The following DBT variants were observed in gnomAD, a reference collection of about 807,000 sequenced individuals.
The protein encoded by DBT is dihydrolipoamide branched chain transacylase E2, also known as lipoamide acyltransferase component of branched-chain alpha-keto acid dehydrogenase complex, mitochondrial.
Under a neutral mutation model 51.3 loss-of-function variants are expected in DBT, and 40 were observed. That is an observed-to-expected ratio of 0.78 (90% CI 0.61 to 1.02). The LOEUF (loss-of-function observed/expected upper bound fraction) is 1.02, where lower values mean the gene tolerates loss of function less well. DBT is among the 50% of genes least tolerant of loss of function. DBT has a pLI of 0.00. For missense variants in DBT, 510 were observed against 580.2 expected, an observed-to-expected ratio of 0.88 and a Z score of 1.24; for synonymous variants, 181 against 190.4, an observed-to-expected ratio of 0.95 and a Z score of 0.41.
intron 10 of DBT, among the ~76,000 whole-genome samples, chr1:100,203,544 C>T (rs977698817): frequency 1.3e-5 from 2 of 152,194 alleles, no homozygotes; most frequent in African/African-American, 4.8e-5. Flanking sequence ...GGTACCATTC[C>T]TTCTGAAACT....
intron 3 of DBT, among the ~76,000 whole-genome samples, chr1:100,231,417 C>T (rs1036849765): frequency 2.0e-5 from 3 of 152,266 alleles, no homozygotes; most frequent in Non-Finnish European, 4.4e-5. Context: ...CTTCTAATCC[C>T]ATAATCATTT....
chr1:100,228,425 G>A (rs1373042578), intron 4 of DBT, among the ~76,000 whole-genome samples: 2 of 152,124 alleles, frequency 1.3e-5, no homozygotes, highest in African/African-American at 2.4e-5. Flanking sequence ...GACATTTTGG[G>A]GATAATTCAG....
In DBT at chr1:100,193,183, G is replaced by A. The variant is rs982399085; in HGVS notation, c.*3072C>T. The A allele has an allele frequency of 4.6e-5, 7 of 152,202 alleles. No homozygotes were observed. Among genetic ancestry groups the A allele is most frequent in the Admixed American group, 2.6e-4 (4 of 15,282 alleles). The allele number at this position is 152,202 out of a possible 1,614,324, so 9.4% of individuals were successfully genotyped here. A position where few individuals can be genotyped will look rare whatever the true frequency, so the allele number is the denominator to read the frequency against. On this transcript the variant is annotated 3_prime_UTR_variant, in exon 11 of 11. Transcript: ENST00000370132. ...ACCAGATAACTTAAGGGTTATTTGG[G>A]AATAGAGTATCTTGAGCCATTGATG...
At chr1:100,202,906 A>C (rs568065153) in intron 10 of DBT, among the ~76,000 whole-genome samples, 2 of 152,348 alleles carry the variant, frequency 1.3e-5, no homozygotes, top group East Asian at 3.9e-4. Flanking sequence ...AACGTACCAG[A>C]ATCTCTGGAA....
At chr1:100,243,415 T>C (rs527658457) in intron 1 of DBT, among the ~76,000 whole-genome samples, 35 of 151,638 alleles carry the variant, frequency 2.3e-4, no homozygotes, top group African/African-American at 7.5e-4. Context: ...CCCAGGTTCA[T>C]GCGATTCTCG....
chr1:100,222,946 T>C (rs912384437), intron 4 of DBT, among the ~76,000 whole-genome samples: 4 of 152,194 alleles, frequency 2.6e-5, no homozygotes, highest in Non-Finnish European at 5.9e-5. Flanking sequence ...CTCAATCAGC[T>C]CCTATTTGCC....
At chr1:100,237,662 A>T (rs1366242322) in intron 2 of DBT, among the ~76,000 whole-genome samples, 1 of 152,138 alleles carries the variant, frequency 6.6e-6, no homozygotes, top group Non-Finnish European at 1.5e-5. Flanking sequence ...TTTTAGAGAC[A>T]GGGTCTCACT....
At position 100,198,806 on chromosome 1, in the gene DBT, A is replaced by G. The variant is rs187376951; in HGVS notation, c.1282-2384T>C. Among the ~76,000 whole-genome samples, 198 of 152,290 alleles carry G rather than the reference A, an allele frequency of 1.3e-3. 2 individuals carry two copies. The highest frequency in any genetic ancestry group is 4.7e-3 in the African/African-American group (194 of 41,552). On this transcript the variant is annotated intron_variant, in intron 10 of 10. Transcript: ENST00000370132. Reference sequence around the variant, plus strand: ...GGGGGAATGACTTAGATGCTAATTTACTATCTGCTAGAAAGCAAATCAAAG... The same window carrying G: ...GGGGGAATGACTTAGATGCTAATTTGCTATCTGCTAGAAAGCAAATCAAAG...
chr1:100,211,757 T>G (rs999059448), intron 7 of DBT, among the ~76,000 whole-genome samples: 1 of 152,160 alleles, frequency 6.6e-6, no homozygotes, highest in African/African-American at 2.4e-5. Flanking sequence ...TTCCTTAATT[T>G]TTATGACTTG....
At chr1:100,225,042 A>ATAT (rs1334781885) in intron 4 of DBT, among the ~76,000 whole-genome samples, 3 of 45,654 alleles carry the variant, frequency 6.6e-5, no homozygotes, top group Admixed American at 2.8e-4. Context: ...AAAAAAAAAA[A>ATAT]ATATATATAT....
chr1:100,217,798 G>A (rs922113695), intron 5 of DBT, among the ~76,000 whole-genome samples: 2 of 126,864 alleles, frequency 1.6e-5, no homozygotes, highest in African/African-American at 2.7e-5. Flanking sequence ...GATTACAGAT[G>A]TGTCTATAGT....
At chr1:100,236,895 G>C (rs1187790842) in intron 2 of DBT, among the ~76,000 whole-genome samples, 1 of 152,190 alleles carries the variant, frequency 6.6e-6, no homozygotes, top group Non-Finnish European at 1.5e-5. Context: ...TATGTGGCAA[G>C]AAATCAGCCC....
At chr1:100,234,766 T>C (rs936829015) in intron 3 of DBT, among the ~76,000 whole-genome samples, 2 of 152,170 alleles carry the variant, frequency 1.3e-5, no homozygotes, top group African/African-American at 4.8e-5. Flanking sequence ...TATGTTTATG[T>C]TATTACAGTT....
chr1:100,218,790 T>C (rs1443948802), intron 4 of DBT, 43 bp from the exon 5 acceptor site: 9 of 1,600,724 alleles, frequency 5.6e-6, no homozygotes, highest in Non-Finnish European at 6.8e-6. Flanking sequence ...AAAAAAATTT[T>C]TTTTTTTTAC....
At chr1:100,248,471 T>C (rs1664686398) in intron 1 of DBT, among the ~76,000 whole-genome samples, 1 of 152,186 alleles carries the variant, frequency 6.6e-6, no homozygotes, top group African/African-American at 2.4e-5. Flanking sequence ...GGAGTAGACC[T>C]GGTTGGAAGA....
In DBT at chr1:100,188,613, GT is replaced by G. The variant is rs1168351219; in HGVS notation, c.*7641del. On this transcript the variant is annotated 3_prime_UTR_variant, in exon 11 of 11. Coordinates refer to ENST00000370132, the MANE Select transcript of DBT (RefSeq NM_001918.5). ...AAAATCAGTGTGAATCCCTTTGACT[GT>G]TCCATCTTTCCCCATATCAAACCTA... The G allele has an allele frequency of 6.6e-6, 1 of 152,098 alleles. No individual in the cohort carries two copies. The highest frequency in any genetic ancestry group is 1.5e-5 in the Non-Finnish European group (1 of 68,064). The allele number at this position is 152,098 out of a possible 1,614,324, so 9.4% of individuals were successfully genotyped here. A position where few individuals can be genotyped will look rare whatever the true frequency, so the allele number is the denominator to read the frequency against.
rs755814367 is a variant in DBT at position 100,230,687 on chromosome 1, A to C, written c.433+46T>G. ...TTAATTGGGACCCAATGACAAAAAG[A>C]GACCAATAATCAATTTGGTAAAATA... is the stretch of plus-strand genomic sequence containing the variant. On this transcript the variant is annotated intron_variant, in intron 4 of 10. Transcript: ENST00000370132. 7.8e-6 allele frequency: 10 copies of C among 1,283,712 alleles called. No individual in the cohort carries two copies. In the South Asian group the frequency reaches 1.3e-4, roughly 16 times the overall value. 79.5% of individuals were successfully genotyped at this position (1,283,712 alleles called of 1,614,324 possible).
At position 100,206,544 on chromosome 1, in the gene DBT, G is replaced by A. The variant is rs771962372; in HGVS notation, c.1110C>T (p.Ile370=). Reference sequence around the variant, plus strand: ...TCTGGAGGCGGTTCAGTTCAGTGGCGATGTCAAATATAGAGCAGATCTGAA... The same window carrying A: ...TCTGGAGGCGGTTCAGTTCAGTGGCAATGTCAAATATAGAGCAGATCTGAA... ...KNVQICSIFD[I]ATELNRLQKL... Residue 370 remains isoleucine (I), a synonymous_variant, in exon 9 of 11, where the codon ATC becomes ATT. Transcript: ENST00000370132. The A allele has an allele frequency of 2.7e-5, 44 of 1,611,146 alleles. No individual in the cohort carries two copies. The highest frequency in any genetic ancestry group is 3.5e-5 in the Non-Finnish European group (41 of 1,177,488).
chr1:100,202,378 C>T (rs1288061108), intron 10 of DBT, among the ~76,000 whole-genome samples: 1 of 152,166 alleles, frequency 6.6e-6, no homozygotes, highest in African/African-American at 2.4e-5. Flanking sequence ...AATATATATG[C>T]ACCCAATACA....
Sources: gnomAD v4.1 joint callset for allele counts (sites outside exome capture counted in the v4.1 genomes callset) on GRCh38, gnomAD v4.1.1 for gene constraint, MANE v1.5 for transcripts, NCBI Gene and HGNC (gene_info 2026-07-23, HGNC 2026-07-21) for gene names.